PCDHA7: variants seen among roughly 807,000 people sequenced by gnomAD.
PCDHA7 encodes protocadherin alpha-7.
PCDHA7 carries 37 observed loss-of-function variants against 57.2 expected under a neutral mutation model. The ratio of observed to expected loss-of-function variants is 0.65; its 90% CI spans 0.50 to 0.85. The LOEUF (loss-of-function observed/expected upper bound fraction) is 0.85. Ranked by LOEUF, PCDHA7 falls within the 40% of genes least tolerant of loss-of-function variation. The pLI is 0.00. For missense variants in PCDHA7, 1,188 were observed against 1,241.8 expected, an observed-to-expected ratio of 0.96 and a Z score of 0.65; for synonymous variants, 553 against 558.8, an observed-to-expected ratio of 0.99 and a Z score of 0.15.
chr5:141,007,181 G>A (rs372000063), intron 3 of PCDHA7, among the ~76,000 whole-genome samples: 1 of 152,134 alleles, frequency 6.6e-6, no homozygotes, highest in East Asian at 1.9e-4. Context: ...AAGGTCAGGA[G>A]AATGTTTTGA....
chr5:140,837,353 A>G (rs1415988517), intron 1 of PCDHA7, among the ~76,000 whole-genome samples: 12 of 152,028 alleles, frequency 7.9e-5, no homozygotes, highest in Non-Finnish European at 5.9e-5. Flanking sequence ...AATAGTTTAA[A>G]TGGCAGTTTA....
rs534013349 is a variant in PCDHA7, at chr5:140,881,427, A to G, written c.2355+44689A>G. ...AATCAATAGGATATTAGTTCCAGGC[A>G]TATTTTATAAAAACAGAATCCAAAA... On this transcript the variant is annotated intron_variant, in intron 1 of 3. Transcript: ENST00000525929. 6.5e-5 allele frequency: 58 copies of G among 895,354 alleles called. No individual in the cohort carries two copies. In the African/African-American group the frequency reaches 9.9e-4, roughly 15 times the overall value. The allele number at this position is 895,354 out of a possible 1,614,324, so 55.5% of individuals were successfully genotyped here. A position where few individuals can be genotyped will look rare whatever the true frequency, so the allele number is the denominator to read the frequency against.
Position 140,978,838 on chromosome 5 carries a change from A to G in PCDHA7, c.2356-111A>G, listed in dbSNP as rs571929271. 3.9e-6 allele frequency: 6 copies of G among 1,554,610 alleles called. No homozygotes were observed. In the African/African-American group the frequency reaches 5.5e-5, roughly 14 times the overall value. On this transcript the variant is annotated intron_variant, in intron 1 of 3. Transcript: ENST00000525929. ...TTACACATGAAATGGCTCATTCAAT[A>G]CTTTTTTAGATGCCTGGAAATATTT... is the stretch of plus-strand genomic sequence containing the variant.
rs2098419648 is a variant in PCDHA7 at position 141,011,160 on chromosome 5, A to AT, written c.*1224dup. The AT allele has an allele frequency of 6.5e-6, 1 of 153,706 alleles. No homozygotes were observed. The highest frequency in any genetic ancestry group is 2.4e-5 in the African/African-American group (1 of 41,436). 9.5% of individuals were successfully genotyped at this position (153,706 alleles called of 1,614,324 possible). A position where few individuals can be genotyped will look rare whatever the true frequency, so the allele number is the denominator to read the frequency against. ...TACACAACCTTCTCTAACCAACTAT[A>AT]TATCAAGACCCAAAAATTGAAGAAA... On this transcript the variant is annotated 3_prime_UTR_variant, in exon 4 of 4. Coordinates refer to ENST00000525929, the MANE Select transcript of PCDHA7 (RefSeq NM_018910.3).
At chr5:140,837,831 T>C (rs1775280897) in intron 1 of PCDHA7, among the ~76,000 whole-genome samples, 1 of 151,530 alleles carries the variant, frequency 6.6e-6, no homozygotes, top group Admixed American at 6.6e-5. Flanking sequence ...TTGCATGTCA[T>C]TGTGCCTGGC....
chr5:140,995,383 G>A (rs909887279), intron 3 of PCDHA7, among the ~76,000 whole-genome samples: 2 of 152,158 alleles, frequency 1.3e-5, no homozygotes, highest in African/African-American at 4.8e-5. Flanking sequence ...TACTGGGCAG[G>A]ATAAAGCGGG....
chr5:140,903,172 C>T (rs2070066511), intron 1 of PCDHA7, among the ~76,000 whole-genome samples: 1 of 152,152 alleles, frequency 6.6e-6, no homozygotes, highest in Non-Finnish European at 1.5e-5. Flanking sequence ...GGTTTACATT[C>T]CCACCAATAG....
intron 1 of PCDHA7, chr5:140,866,000 TAA>T (rs1485805064): frequency 6.6e-6 from 1 of 152,190 alleles, no homozygotes; most frequent in Non-Finnish European, 1.5e-5. Flanking sequence ...TTTTTTATGT[TAA>T]GTGATTTTTT....
intron 1 of PCDHA7, among the ~76,000 whole-genome samples, chr5:140,959,410 T>C (rs564453268): frequency 6.6e-5 from 10 of 152,300 alleles, no homozygotes; most frequent in Non-Finnish European, 1.3e-4. Flanking sequence ...AAGTGTTGAT[T>C]GATCTGAGAA....
chr5:140,850,166 C>G (rs1248475012), intron 1 of PCDHA7: 1 of 1,594,750 alleles, frequency 6.3e-7, no homozygotes, highest in Non-Finnish European at 8.6e-7. Context: ...TCGTGCTGGA[C>G]GAGAACGACA....
At chr5:140,842,919 T>A in intron 1 of PCDHA7, 1 of 1,594,538 alleles carries the variant, frequency 6.3e-7, no homozygotes, top group Non-Finnish European at 8.6e-7. Flanking sequence ...CTGCTGCAGT[T>A]CCAGGTGAGC....
At chr5:140,850,791 A>C in intron 1 of PCDHA7, 1 of 1,598,378 alleles carries the variant, frequency 6.3e-7, no homozygotes, top group Non-Finnish European at 8.6e-7. Flanking sequence ...GGGTAAGCAG[A>C]AGACCGACCT....
chr5:140,943,804 G>C (rs996208541), intron 1 of PCDHA7, among the ~76,000 whole-genome samples: 2 of 152,224 alleles, frequency 1.3e-5, no homozygotes, highest in Non-Finnish European at 2.9e-5. Flanking sequence ...AGCAAAAGAG[G>C]AAAGTTTGAA....
At chr5:140,887,357 A>G (rs112910602) in intron 1 of PCDHA7, among the ~76,000 whole-genome samples, 1 of 152,032 alleles carries the variant, frequency 6.6e-6, no homozygotes, top group Non-Finnish European at 1.5e-5. Flanking sequence ...CGGCCTCCCA[A>G]AGTGCTGGGA....
intron 1 of PCDHA7, chr5:140,884,206 C>A: frequency 6.2e-7 from 1 of 1,613,542 alleles, no homozygotes; most frequent in Admixed American, 1.7e-5. Flanking sequence ...CGCACCACCG[C>A]CTTCTGGTGC....
intron 3 of PCDHA7, among the ~76,000 whole-genome samples, chr5:141,003,892 C>T (rs1401621234): frequency 6.6e-6 from 1 of 152,124 alleles, no homozygotes; most frequent in South Asian, 2.1e-4. Context: ...TCTTAACAGG[C>T]CCATTCATTT....
chr5:140,909,801 T>C (rs1462008196), intron 1 of PCDHA7, among the ~76,000 whole-genome samples: 1 of 152,134 alleles, frequency 6.6e-6, no homozygotes, highest in African/African-American at 2.4e-5. Context: ...AGACTTCAGC[T>C]AAAACTCCAT....
chr5:140,842,481 G>T (rs1554139090), intron 1 of PCDHA7: 1 of 1,613,806 alleles, frequency 6.2e-7, no homozygotes, highest in East Asian at 2.2e-5. Flanking sequence ...CAGGTGACCT[G>T]CTCCCTGATG....
chr5:140,918,051 A>G (rs782531005), intron 1 of PCDHA7, among the ~76,000 whole-genome samples: 2 of 151,984 alleles, frequency 1.3e-5, no homozygotes, highest in Non-Finnish European at 1.5e-5. Flanking sequence ...CATTTGTTTT[A>G]TCATCTCTGA....
Sources: gnomAD v4.1 joint callset for allele counts (sites outside exome capture counted in the v4.1 genomes callset) on GRCh38, gnomAD v4.1.1 for gene constraint, MANE v1.5 for transcripts, NCBI Gene and HGNC (gene_info 2026-07-23, HGNC 2026-07-21) for gene names.